The following CASZ1 variants were observed in gnomAD, a reference collection of about 807,000 sequenced individuals.
The protein encoded by CASZ1 is zinc finger protein castor homolog 1.
A neutral mutation model predicts 135.2 loss-of-function variants in CASZ1; 28 were observed. That is an observed-to-expected ratio of 0.21 (90% CI 0.15 to 0.28). The LOEUF (loss-of-function observed/expected upper bound fraction) is 0.28. CASZ1 is among the 10% of genes least tolerant of loss of function. CASZ1 has a pLI of 1.00. For synonymous variants in CASZ1, 1,068 were observed against 1,073.4 expected (o/e 0.99, Z 0.10); for missense variants, 2,161 against 2,453.3 (o/e 0.88, Z 2.52).
In CASZ1 at chr1:10,755,514, G is replaced by A. The variant is rs570184892; in HGVS notation, c.-77+5187C>T. Among the ~76,000 whole-genome samples the A allele has an allele frequency of 7.8e-4, 119 of 152,214 alleles. No individual in the cohort carries two copies. Among genetic ancestry groups the A allele is most frequent in the African/African-American group, 2.8e-3 (116 of 41,548 alleles). ...TTGTCCCATCCTTTGGATCAACTGCGTCACCCGCCGAGAAGTCCCCCGAGT... is the reference window on the plus strand; with the variant it reads ...TTGTCCCATCCTTTGGATCAACTGCATCACCCGCCGAGAAGTCCCCCGAGT... On this transcript the variant is annotated intron_variant, in intron 2 of 20. Transcript: ENST00000377022. The surrounding 1 kb of genome is among the most constrained non-coding windows in gnomAD (Gnocchi z 4.3).
intron 17 of CASZ1, 69 bp from the exon 18 acceptor site, chr1:10,645,157 G>C: frequency 1.4e-6 from 2 of 1,440,188 alleles, no homozygotes; most frequent in Non-Finnish European, 1.9e-6. Flanking sequence ...CCCCGGGCCT[G>C]AGGCTGTGGT....
intron 4 of CASZ1, among the ~76,000 whole-genome samples, chr1:10,684,543 C>T (rs1638526115): frequency 6.6e-6 from 1 of 152,176 alleles, no homozygotes; most frequent in South Asian, 2.1e-4. Flanking sequence ...GAGGGTGGGA[C>T]CATGTCAAGT....
In CASZ1 at chr1:10,767,812, C is replaced by T. The variant is rs910317579; in HGVS notation, c.-233-6955G>A. Among the ~76,000 whole-genome samples, 14 of 152,176 alleles carry T rather than the reference C, an allele frequency of 9.2e-5. No individual in the cohort carries two copies. Among genetic ancestry groups the T allele is most frequent in the African/African-American group, 1.9e-4 (8 of 41,436 alleles). On this transcript the variant is annotated intron_variant, in intron 1 of 20. Coordinates refer to ENST00000377022, the MANE Select transcript of CASZ1 (RefSeq NM_001079843.3). This position sits in a 1 kb window ranked among gnomAD's most constrained non-coding sequence, Gnocchi z 4.2. The stretch of plus-strand genomic sequence containing the variant: ...TCCCTGTCTGTCTTGCCCACTGCCC[C>T]GGGGATCACTTCCCTCGCTGGCCCT...
At chr1:10,655,499 T>A (rs1176493327) in intron 9 of CASZ1, 150 bp downstream of exon 9, 9 of 779,672 alleles carry the variant, frequency 1.2e-5, no homozygotes, top group Non-Finnish European at 1.6e-5. Context: ...TCGCTGGCCA[T>A]CCCTGTGCTG....
Position 10,678,022 on chromosome 1 carries a change from GGAC to G in CASZ1, c.17-12454_17-12452del, listed in dbSNP as rs556508139. Among the ~76,000 whole-genome samples the G allele has an allele frequency of 4.5e-3, 681 of 152,320 alleles. 2 individuals carry two copies. Among genetic ancestry groups the G allele is most frequent in the Middle Eastern group, 0.02 (6 of 294 alleles). ...GCAGGAGGGGACCTTTCTCTTGCAG[GGAC>G]TGAGACCCTGAGACCTTCCAATGTG... On this transcript the variant is annotated intron_variant, in intron 4 of 20. Coordinates refer to ENST00000377022, the MANE Select transcript of CASZ1 (RefSeq NM_001079843.3).
At chr1:10,644,069 G>A (rs1355199561) in intron 18 of CASZ1, among the ~76,000 whole-genome samples, 1 of 152,216 alleles carries the variant, frequency 6.6e-6, no homozygotes, top group East Asian at 1.9e-4. Flanking sequence ...TGACTTTGAG[G>A]ATGTCACCTT....
At chr1:10,748,061 G>A (rs1179259580) in intron 2 of CASZ1, among the ~76,000 whole-genome samples, 1 of 152,066 alleles carries the variant, frequency 6.6e-6, no homozygotes, top group Non-Finnish European at 1.5e-5. Context: ...CTCGTGATCC[G>A]CCCGCCTCGG....
intron 4 of CASZ1, among the ~76,000 whole-genome samples, chr1:10,677,030 G>A (rs908381396): frequency 1.3e-5 from 2 of 152,250 alleles, no homozygotes; most frequent in Non-Finnish European, 2.9e-5. Flanking sequence ...GTGAAGGAAA[G>A]CCAGCAGCTT....
chr1:10,644,062 C>G (rs1437003231), intron 18 of CASZ1, among the ~76,000 whole-genome samples: 1 of 152,222 alleles, frequency 6.6e-6, no homozygotes, highest in African/African-American at 2.4e-5. Context: ...TGGCAGTTGA[C>G]TTTGAGGATG....
At chr1:10,733,979 C>G (rs1639748217) in intron 2 of CASZ1, among the ~76,000 whole-genome samples, 1 of 152,210 alleles carries the variant, frequency 6.6e-6, no homozygotes, top group Non-Finnish European at 1.5e-5. Flanking sequence ...TAATAACTAG[C>G]GAAAGTGCTA....
chr1:10,713,532 C>T (rs1639324309), intron 2 of CASZ1, among the ~76,000 whole-genome samples: 1 of 152,238 alleles, frequency 6.6e-6, no homozygotes, highest in Non-Finnish European at 1.5e-5. Flanking sequence ...GGCTGTGGCG[C>T]TTGGCCCTCA....
intron 3 of CASZ1, among the ~76,000 whole-genome samples, chr1:10,695,580 A>ACCCCCCCCCCCCCCCCCCCCCCCCCC (rs61026086): frequency 1.2e-4 from 2 of 16,750 alleles, no homozygotes; most frequent in African/African-American, 4.1e-4. Flanking sequence ...CCTCCCCGCC[A>ACCCCCCCCCCCCCCCCCCCCCCCCCC]CCCCCCCCCC....
intron 1 of CASZ1, among the ~76,000 whole-genome samples, chr1:10,783,885 A>C (rs888830462): frequency 1.3e-4 from 20 of 151,538 alleles, no homozygotes; most frequent in African/African-American, 4.1e-4. Context: ...AAAAAAAAAA[A>C]AAAAAAAACC....
At chr1:10,653,287 C>T (rs552333099) in intron 11 of CASZ1, 90 bp downstream of exon 11, 965 of 1,296,212 alleles carry the variant, frequency 7.4e-4, no homozygotes, top group Non-Finnish European at 1.0e-3. Context: ...TTCTTCCAAA[C>T]ACCCCCCGAC....
chr1:10,680,691 G>A (rs899392482), intron 4 of CASZ1, among the ~76,000 whole-genome samples: 1 of 152,136 alleles, frequency 6.6e-6, no homozygotes, highest in African/African-American at 2.4e-5. Context: ...GCGGGCAGAC[G>A]GACTTGCTGC....
chr1:10,724,831 G>T lies in CASZ1; in HGVS notation c.-76-19287C>A, dbSNP rs1307350754. ...CTGGGAGCCTCGGAGGATGACATAAGGGGGACACAGCCAACCTGGGGAAGA... is the reference window on the plus strand; with the variant it reads ...CTGGGAGCCTCGGAGGATGACATAATGGGGACACAGCCAACCTGGGGAAGA... On this transcript the variant is annotated intron_variant, in intron 2 of 20. Transcript: ENST00000377022. This position sits in a 1 kb window ranked among gnomAD's most constrained non-coding sequence, Gnocchi z 4.1. Among the ~76,000 whole-genome samples, 3 of 152,204 alleles carry T rather than the reference G, an allele frequency of 2.0e-5. No homozygotes were observed. Among genetic ancestry groups the T allele is most frequent in the Admixed American group, 1.3e-4 (2 of 15,290 alleles).
rs1639064990 is a variant in CASZ1 at position 10,701,706 on chromosome 1, A to C, written c.-24+3786T>G. On this transcript the variant is annotated intron_variant, in intron 3 of 20. Transcript: ENST00000377022. The surrounding 1 kb of genome is among the most constrained non-coding windows in gnomAD (Gnocchi z 6.3). ...GTCGTGAATGAAGACTCGGCCGATC[A>C]GGCTGCTGGTTTGAGGGCTGGCAGC... Among the ~76,000 whole-genome samples, 1 of 152,218 alleles carries C rather than the reference A, an allele frequency of 6.6e-6. No individual in the cohort carries two copies. The highest frequency in any genetic ancestry group is 2.4e-5 in the African/African-American group (1 of 41,458).
chr1:10,712,920 C>A (rs1025932784), intron 2 of CASZ1, among the ~76,000 whole-genome samples: 2 of 152,214 alleles, frequency 1.3e-5, no homozygotes, highest in African/African-American at 2.4e-5. Context: ...CGATGACTTC[C>A]CCACCCACAG....
chr1:10,655,537 A>G, intron 9 of CASZ1, 112 bp downstream of exon 9: 1 of 1,015,968 alleles, frequency 9.8e-7, no homozygotes, highest in Non-Finnish European at 1.4e-6. Flanking sequence ...GCTCCTGATC[A>G]ACTGGGGTCC....
Sources: allele counts gnomAD v4.1 joint callset (sites outside exome capture counted in the v4.1 genomes callset), GRCh38; gene constraint gnomAD v4.1.1; non-coding constraint Gnocchi (gnomAD v3.1); transcripts MANE v1.5; gene names NCBI Gene and HGNC (gene_info 2026-07-23, HGNC 2026-07-21).